DGLUCY: variants seen among roughly 807,000 people sequenced by gnomAD.
DGLUCY encodes the protein D-glutamate cyclase.
In DGLUCY, 58 loss-of-function variants were observed where a neutral mutation model predicts 58.5. The ratio of observed to expected loss-of-function variants is 0.99; its 90% CI spans 0.80 to 1.23. The LOEUF is 1.23. Ranked by LOEUF, DGLUCY falls within the 50% of genes most tolerant of loss-of-function variation. The pLI, the probability that DGLUCY is intolerant of heterozygous loss-of-function variation, is 0.00. For missense variants in DGLUCY, 779 were observed against 784.7 expected, an observed-to-expected ratio of 0.99 and a Z score of 0.09; for synonymous variants, 325 against 314.1, an observed-to-expected ratio of 1.03 and a Z score of -0.37.
chr14:91,064,410 C>T (rs1009773381), intron 1 of DGLUCY, among the ~76,000 whole-genome samples: 10 of 151,728 alleles, frequency 6.6e-5, no homozygotes, highest in Non-Finnish European at 1.2e-4. Context: ...ATGGGCAGAT[C>T]GCTTGAATTC....
At chr14:91,173,525 C>A in intron 6 of DGLUCY, 86 bp downstream of exon 6, 1 of 1,443,852 alleles carries the variant, frequency 6.9e-7, no homozygotes. Context: ...CATGATCCCC[C>A]TGTTCACATC....
At chr14:91,118,087 C>T (rs12882885) in intron 1 of DGLUCY, among the ~76,000 whole-genome samples, 3 of 64,040 alleles carry the variant, frequency 4.7e-5, no homozygotes, top group African/African-American at 2.0e-4. Context: ...CCCCCCCCCC[C>T]CTTTTTTTTT....
intron 1 of DGLUCY, among the ~76,000 whole-genome samples, chr14:91,065,035 G>A (rs2043798033): frequency 6.6e-6 from 1 of 152,154 alleles, no homozygotes; most frequent in South Asian, 2.1e-4. Flanking sequence ...AGTAAACTTA[G>A]TAAAGCAGAA....
chr14:91,085,019 C>A (rs141834895), intron 1 of DGLUCY, among the ~76,000 whole-genome samples: 4 of 152,000 alleles, frequency 2.6e-5, no homozygotes, highest in Non-Finnish European at 5.9e-5. Context: ...TCCAGGAGTT[C>A]AAGACCAGCC....
intron 1 of DGLUCY, among the ~76,000 whole-genome samples, chr14:91,122,415 A>C (rs2045423570): frequency 2.0e-5 from 3 of 152,026 alleles, no homozygotes; most frequent in Admixed American, 2.0e-4. Context: ...GGCCTCCCAA[A>C]GTGTTAGGAT....
In DGLUCY at chr14:91,207,161, G is replaced by GAA. The variant is rs56355078; in HGVS notation, c.1564+2351_1564+2352dup. Among the ~76,000 whole-genome samples the GAA allele has an allele frequency of 4.2e-3, 361 of 85,328 alleles. 5 individuals are homozygous for GAA. Among genetic ancestry groups the GAA allele is most frequent in the Non-Finnish European group, 6.1e-3 (287 of 46,956 alleles). 56.0% of individuals were successfully genotyped at this position (85,328 alleles called of 152,430 possible). Reference sequence around the variant, plus strand: ...ATGACAGAGCAAGACACTGTCTCAGGAAAAAAAAAAAAAAAAGAGGAAGTA... The same window carrying GAA: ...ATGACAGAGCAAGACACTGTCTCAGGAAAAAAAAAAAAAAAAAAGAGGAAGTA... On this transcript the variant is annotated intron_variant, in intron 12 of 13. Coordinates refer to ENST00000256324, the MANE Select transcript of DGLUCY (RefSeq NM_001102368.3).
intron 7 of DGLUCY, among the ~76,000 whole-genome samples, chr14:91,179,730 G>A (rs1462135858): frequency 2.7e-5 from 4 of 148,498 alleles, no homozygotes; most frequent in East Asian, 2.0e-4. Flanking sequence ...CAACCTGGGC[G>A]ACAGAGCAAG....
chr14:91,076,848 C>T (rs763828685), intron 1 of DGLUCY, among the ~76,000 whole-genome samples: 2 of 152,134 alleles, frequency 1.3e-5, no homozygotes, highest in East Asian at 1.9e-4. Context: ...GGCTAGACCA[C>T]GGTGTCCTGT....
chr14:91,134,174 C>T (rs561681905), intron 1 of DGLUCY, among the ~76,000 whole-genome samples: 37 of 152,258 alleles, frequency 2.4e-4, no homozygotes, highest in African/African-American at 7.0e-4. Context: ...TTGGAATCAG[C>T]GTGTTCAGTT....
intron 1 of DGLUCY, among the ~76,000 whole-genome samples, chr14:91,139,222 T>G (rs1190385672): frequency 6.6e-6 from 1 of 152,140 alleles, no homozygotes; most frequent in African/African-American, 2.4e-5. Context: ...AAGGCCCAGC[T>G]CAGTCAGCCA....
chr14:91,218,689 C>A (rs1409844620), intron 13 of DGLUCY, among the ~76,000 whole-genome samples: 6 of 151,966 alleles, frequency 3.9e-5, no homozygotes, highest in Non-Finnish European at 8.8e-5. Flanking sequence ...AGGCGTGAGC[C>A]ACCACACCTG....
intron 1 of DGLUCY, among the ~76,000 whole-genome samples, chr14:91,120,331 C>A (rs2045270838): frequency 6.6e-6 from 1 of 152,136 alleles, no homozygotes; most frequent in South Asian, 2.1e-4. Context: ...TCATCAGTCT[C>A]TTCTTGTATT....
At chr14:91,207,937 G>A (rs1433865208) in intron 12 of DGLUCY, among the ~76,000 whole-genome samples, 2 of 151,990 alleles carry the variant, frequency 1.3e-5, no homozygotes, top group South Asian at 2.1e-4. Context: ...TAGTAGAGAC[G>A]GAGTTTCTCC....
chr14:91,166,016 T>C (rs2048263607), intron 3 of DGLUCY, among the ~76,000 whole-genome samples: 1 of 152,246 alleles, frequency 6.6e-6, no homozygotes, highest in Non-Finnish European at 1.5e-5. Context: ...GAATGAACTA[T>C]TGTTGAATGC....
chr14:91,198,037 T>A (rs1297487499), intron 10 of DGLUCY, among the ~76,000 whole-genome samples: 1 of 152,218 alleles, frequency 6.6e-6, no homozygotes, highest in Non-Finnish European at 1.5e-5. Flanking sequence ...GATGTAAAAG[T>A]ACAATATGCA....
intron 1 of DGLUCY, among the ~76,000 whole-genome samples, chr14:91,136,559 C>A (rs185817191): frequency 2.6e-5 from 4 of 151,722 alleles, no homozygotes; most frequent in Non-Finnish European, 2.9e-5. Context: ...TGGTAGGAGC[C>A]TGTAATCCCA....
intron 8 of DGLUCY, among the ~76,000 whole-genome samples, chr14:91,187,586 A>G (rs950957536): frequency 1.3e-5 from 2 of 152,166 alleles, no homozygotes; most frequent in African/African-American, 4.8e-5. Context: ...CCTGCATAGA[A>G]TTATGGGCGG....
intron 12 of DGLUCY, among the ~76,000 whole-genome samples, chr14:91,211,728 A>G (rs1479567713): frequency 6.6e-6 from 1 of 152,242 alleles, no homozygotes; most frequent in Non-Finnish European, 1.5e-5. Flanking sequence ...CAAAACTATA[A>G]AACTCCTGTA....
At chr14:91,085,567 T>TG (rs1434227446) in intron 1 of DGLUCY, among the ~76,000 whole-genome samples, 78 of 151,036 alleles carry the variant, frequency 5.2e-4, no homozygotes, top group African/African-American at 1.8e-3. Context: ...TTTTTTGTTT[T>TG]TTTTTTTTTT....
Sources: gnomAD v4.1 joint callset for allele counts (sites outside exome capture counted in the v4.1 genomes callset) on GRCh38, gnomAD v4.1.1 for gene constraint, MANE v1.5 for transcripts, NCBI Gene and HGNC (gene_info 2026-07-23, HGNC 2026-07-21) for gene names.